Variants in PRPF18 observed in about 807,000 individuals in gnomAD.
PRPF18 encodes the protein pre-mRNA processing factor 18.
Under a neutral mutation model 46.5 loss-of-function variants are expected in PRPF18, and 38 were observed. That is an observed-to-expected ratio of 0.82 (90% CI 0.63 to 1.07). The LOEUF is 1.07. Ranked by LOEUF, PRPF18 falls within the 50% of genes least tolerant of loss-of-function variation. The pLI is 0.00. For synonymous variants in PRPF18, 152 were observed against 146.7 expected, an observed-to-expected ratio of 1.04 and a Z score of -0.26; for missense variants, 263 against 410.0, an observed-to-expected ratio of 0.64 and a Z score of 3.10.
the PRPF18 span, among the ~76,000 whole-genome samples, chr10:13,650,888 C>T: frequency 0.11 from 16,858 of 152,170 alleles, 1,275 homozygotes; most frequent in Non-Finnish European, 0.16. Flanking sequence ...ATAACATCTC[C>T]GTGAACTCGA....
intron 9 of PRPF18, among the ~76,000 whole-genome samples, chr10:13,627,849 A>G (rs1403044128): frequency 6.6e-6 from 1 of 152,182 alleles, no homozygotes; most frequent in Non-Finnish European, 1.5e-5. Flanking sequence ...AAGGCAAACC[A>G]TCAGTTTGCC....
chr10:13,620,177 A>G (rs996238439), intron 9 of PRPF18, among the ~76,000 whole-genome samples: 1 of 152,180 alleles, frequency 6.6e-6, no homozygotes, highest in Non-Finnish European at 1.5e-5. Context: ...ATCAGATAGT[A>G]AATATCTTGG....
the PRPF18 span, chr10:13,650,933 TG>T: frequency 7.2e-6 from 1 of 138,636 alleles, no homozygotes; most frequent in East Asian, 2.2e-4. Context: ...CTCTCAGCAT[TG>T]CATTTTGTTT....
chr10:13,631,409 A>G (rs1046822618), downstream of PRPF18: 1 of 152,256 alleles, frequency 6.6e-6, no homozygotes, highest in African/African-American at 2.4e-5. Flanking sequence ...TTCACATCTC[A>G]GCTCTGCACC....
In PRPF18 at chr10:13,609,691, T is replaced by G. The variant is rs569310114; in HGVS notation, c.364-348T>G. Among the ~76,000 whole-genome samples, 102 of 152,300 alleles carry G rather than the reference T, an allele frequency of 6.7e-4. 2 individuals are homozygous for G. In the South Asian group the frequency reaches 1.0e-2, roughly 15 times the overall value. ...ATTGTAAATGAGCTGGGCAAACGGG[T>G]TGGGGACTCTAATGGAGACCTGCCA... is the stretch of plus-strand genomic sequence containing the variant. On this transcript the variant is annotated intron_variant, in intron 4 of 9. Coordinates refer to ENST00000378572, the MANE Select transcript of PRPF18 (RefSeq NM_003675.4).
At chr10:13,603,312 T>A (rs2080141878) in intron 3 of PRPF18, among the ~76,000 whole-genome samples, 1 of 151,232 alleles carries the variant, frequency 6.6e-6, no homozygotes, top group African/African-American at 2.4e-5. Flanking sequence ...GTGGTGGTGG[T>A]GGTGGTGGTA....
intron 1 of PRPF18, among the ~76,000 whole-genome samples, chr10:13,590,429 C>G (rs1415662237): frequency 1.4e-5 from 2 of 140,228 alleles, no homozygotes; most frequent in Non-Finnish European, 3.1e-5. Context: ...AACCCCATCT[C>G]TACTGAAAAT....
chr10:13,614,120 G>C lies in PRPF18; in HGVS notation c.792+34G>C, dbSNP rs184401270. 5.4e-3 allele frequency: 7,876 copies of C among 1,455,620 alleles called. 63 individuals are homozygous for C. The highest frequency in any genetic ancestry group is 0.027 in the South Asian group (2,114 of 78,060). The allele number at this position is 1,455,620 out of a possible 1,614,324, so 90.2% of individuals were successfully genotyped here. A position where few individuals can be genotyped will look rare whatever the true frequency, so the allele number is the denominator to read the frequency against. ...CCATGCTGTTCTTTGAAATTGTTAA[G>C]AGTATATCTAGGTTATGTACGTAAT... is the stretch of plus-strand genomic sequence containing the variant. On this transcript the variant is annotated intron_variant, in intron 8 of 9. Transcript: ENST00000378572.
chr10:13,627,003 A>G (rs188241667), intron 9 of PRPF18, among the ~76,000 whole-genome samples: 16 of 152,166 alleles, frequency 1.1e-4, no homozygotes, highest in African/African-American at 3.9e-4. Flanking sequence ...GAATTATTCC[A>G]GTGTCTTCTC....
intron 1 of PRPF18, among the ~76,000 whole-genome samples, chr10:13,588,094 T>C (rs2079902856): frequency 6.6e-6 from 1 of 152,120 alleles, no homozygotes; most frequent in Admixed American, 6.5e-5. Context: ...TTCTGTCGCC[T>C]TACGAAGGGT....
rs61835267 is a variant in PRPF18 at position 13,597,822 on chromosome 10, C to T, written c.144+287C>T. Among the ~76,000 whole-genome samples, 1,087 of 150,780 alleles carry T rather than the reference C, an allele frequency of 7.2e-3. 6 individuals carry two copies. The highest frequency in any genetic ancestry group is 0.011 in the Non-Finnish European group (748 of 67,792). On this transcript the variant is annotated intron_variant, in intron 2 of 9. Coordinates refer to ENST00000378572, the MANE Select transcript of PRPF18 (RefSeq NM_003675.4). ...ATTTTTTTTTTTTTTTAATAAAGTC[C>T]TGAATCTGAGACTGCGTTATTTTCA... is the stretch of plus-strand genomic sequence containing the variant.
chr10:13,594,678 A>G (rs1477716797), intron 1 of PRPF18, among the ~76,000 whole-genome samples: 2 of 152,210 alleles, frequency 1.3e-5, no homozygotes, highest in Non-Finnish European at 2.9e-5. Context: ...ATTTCATTGG[A>G]AAAGGCTTCA....
At chr10:13,629,715 C>T (rs577859221) in intron 9 of PRPF18, among the ~76,000 whole-genome samples, 15 of 152,310 alleles carry the variant, frequency 9.8e-5, no homozygotes, top group South Asian at 4.1e-4. Flanking sequence ...TCATATACAT[C>T]GGCCTTTCCC....
At chr10:13,625,060 G>C (rs935170359) in intron 9 of PRPF18, among the ~76,000 whole-genome samples, 4 of 152,324 alleles carry the variant, frequency 2.6e-5, no homozygotes, top group Admixed American at 2.0e-4. Flanking sequence ...GAGGCCAAGC[G>C]TGGTGGCTCA....
At chr10:13,652,603 G>GTGTT in the PRPF18 span, 1 of 152,826 alleles carries the variant, frequency 6.5e-6, no homozygotes, top group African/African-American at 2.4e-5. Flanking sequence ...GGGTGGGTGA[G>GTGTT]TGTTAATGAT....
At chr10:13,622,503 C>T (rs1036598181) in intron 9 of PRPF18, among the ~76,000 whole-genome samples, 5 of 152,202 alleles carry the variant, frequency 3.3e-5, no homozygotes, top group African/African-American at 9.7e-5. Context: ...GAAATCTTCC[C>T]TCAAATTAGT....
chr10:13,654,798 T>G, the PRPF18 span: 1 of 471,250 alleles, frequency 2.1e-6, no homozygotes, highest in Non-Finnish European at 3.7e-6. Flanking sequence ...AGGTCCCCGC[T>G]TTGCCACCAG....
At chr10:13,604,655 G>A (rs1380297763) in intron 3 of PRPF18, among the ~76,000 whole-genome samples, 2 of 152,136 alleles carry the variant, frequency 1.3e-5, no homozygotes, top group African/African-American at 4.8e-5. Context: ...CCATCTTAGT[G>A]TTTTTCCTGT....
At chr10:13,634,389 G>A (rs1163640826), downstream of PRPF18, among the ~76,000 whole-genome samples, 1 of 152,150 alleles carries the variant, frequency 6.6e-6, no homozygotes, top group Non-Finnish European at 1.5e-5. Context: ...GAGAAGTTTC[G>A]AGCTGCCTTT....
Sources: gnomAD v4.1 joint callset for allele counts (sites outside exome capture counted in the v4.1 genomes callset) on GRCh38, gnomAD v4.1.1 for gene constraint, MANE v1.5 for transcripts, NCBI Gene and HGNC (gene_info 2026-07-23, HGNC 2026-07-21) for gene names.